Variants in LRRTM4 observed in about 807,000 individuals in gnomAD.
The protein encoded by LRRTM4 is leucine-rich repeat transmembrane neuronal protein 4.
Under a neutral mutation model 47.6 loss-of-function variants are expected in LRRTM4, and 25 were observed. The observed-to-expected ratio is 0.53, with a 90% CI of 0.38 to 0.73. The LOEUF (loss-of-function observed/expected upper bound fraction) is 0.73. Ranked by LOEUF, LRRTM4 falls within the 30% of genes least tolerant of loss-of-function variation. The pLI is 0.00. For synonymous variants in LRRTM4, 311 were observed against 269.5 expected, an observed-to-expected ratio of 1.15 and a Z score of -1.51; for missense variants, 638 against 713.4, an observed-to-expected ratio of 0.89 and a Z score of 1.20.
At chr2:77,444,931 T>TGA (rs1396304210) in intron 3 of LRRTM4, among the ~76,000 whole-genome samples, 2 of 95,318 alleles carry the variant, frequency 2.1e-5, no homozygotes, top group African/African-American at 9.0e-5. Context: ...CTCCTTTATT[T>TGA]TACACACACA....
intron 3 of LRRTM4, among the ~76,000 whole-genome samples, chr2:77,064,933 C>T (rs929060556): frequency 3.3e-5 from 5 of 152,032 alleles, no homozygotes; most frequent in African/African-American, 1.2e-4. Context: ...TGGAGCCTGC[C>T]CATTCCCATA....
intron 3 of LRRTM4, among the ~76,000 whole-genome samples, chr2:76,769,717 A>G (rs1346223874): frequency 6.6e-6 from 1 of 152,124 alleles, no homozygotes; most frequent in Non-Finnish European, 1.5e-5. Context: ...AGGACCCCCC[A>G]GATGACTCGT....
intron 3 of LRRTM4, among the ~76,000 whole-genome samples, chr2:77,288,066 A>G (rs2104118838): frequency 6.6e-6 from 1 of 152,262 alleles, no homozygotes; most frequent in Admixed American, 6.6e-5. Flanking sequence ...GAAAGGAACA[A>G]CAAAAGCAGT....
At chr2:77,500,294 TA>T (rs1185683828) in intron 3 of LRRTM4, among the ~76,000 whole-genome samples, 5 of 151,810 alleles carry the variant, frequency 3.3e-5, no homozygotes, top group Non-Finnish European at 5.9e-5. Context: ...AAGTTTGATT[TA>T]AAAAAATGTG....
intron 3 of LRRTM4, among the ~76,000 whole-genome samples, chr2:77,061,473 C>T (rs1408365539): frequency 2.0e-5 from 3 of 152,118 alleles, no homozygotes; most frequent in Admixed American, 1.3e-4. Context: ...GATACAGAAG[C>T]TTTCAAAGTG....
In LRRTM4 at chr2:76,908,444, G is replaced by T. The variant is rs1435065114; in HGVS notation, c.1552-159528C>A. Among the ~76,000 whole-genome samples, 8 of 151,124 alleles carry T rather than the reference G, an allele frequency of 5.3e-5. No homozygotes were observed. In the South Asian group the frequency reaches 1.5e-3, roughly 28 times the overall value. On this transcript the variant is annotated intron_variant, in intron 3 of 3. Coordinates refer to ENST00000409884, the MANE Select transcript of LRRTM4 (RefSeq NM_001134745.3). ...TTGAAAACTGGCACAAGACAGGGAT[G>T]CCCTCTCTCACCACTCCTATTCAAC...
At chr2:76,843,895 TTC>T (rs1388571373) in intron 3 of LRRTM4, among the ~76,000 whole-genome samples, 1 of 150,644 alleles carries the variant, frequency 6.6e-6, no homozygotes. Flanking sequence ...TAATGATAAT[TTC>T]TTTCTTTTTT....
At chr2:76,987,469 T>C (rs1361818848) in intron 3 of LRRTM4, 5 of 151,942 alleles carry the variant, frequency 3.3e-5, no homozygotes, top group African/African-American at 9.7e-5. Context: ...CTCAGAAATA[T>C]GCAATGGGGT....
At chr2:77,146,745 T>C (rs993977908) in intron 3 of LRRTM4, among the ~76,000 whole-genome samples, 1 of 152,164 alleles carries the variant, frequency 6.6e-6, no homozygotes, top group Non-Finnish European at 1.5e-5. Context: ...TTTAGGGTGA[T>C]GGTAAAAAAT....
At chr2:76,780,306 T>C (rs1051465274) in intron 3 of LRRTM4, among the ~76,000 whole-genome samples, 13 of 152,200 alleles carry the variant, frequency 8.5e-5, no homozygotes, top group Non-Finnish European at 1.5e-4. Context: ...GAACATTGGC[T>C]TGCCTTGCTA....
chr2:76,763,185 A>C (rs1573062974), intron 3 of LRRTM4, among the ~76,000 whole-genome samples: 1 of 152,190 alleles, frequency 6.6e-6, no homozygotes, highest in East Asian at 1.9e-4. Context: ...AGGAAAAAAA[A>C]CAGTGCTCTC....
At chr2:77,024,995 A>C (rs1411717282) in intron 3 of LRRTM4, among the ~76,000 whole-genome samples, 2 of 152,186 alleles carry the variant, frequency 1.3e-5, no homozygotes, top group African/African-American at 4.8e-5. Context: ...ATCTTGATCT[A>C]TATTTTTGTA....
chr2:76,830,515 C>CGTGTGTGT (rs57566911), intron 3 of LRRTM4, among the ~76,000 whole-genome samples: 10,939 of 143,992 alleles, frequency 0.076, 556 homozygotes, highest in East Asian at 0.19. Context: ...GCAGTGTGTG[C>CGTGTGTGT]GTGTGTGTGT....
At chr2:77,002,963 C>T (rs1249753453) in intron 3 of LRRTM4, among the ~76,000 whole-genome samples, 3 of 151,596 alleles carry the variant, frequency 2.0e-5, no homozygotes, top group African/African-American at 7.3e-5. Context: ...ATCATTTATG[C>T]TACACAGAGC....
chr2:76,788,732 T>G (rs2104192939), intron 3 of LRRTM4, among the ~76,000 whole-genome samples: 1 of 152,326 alleles, frequency 6.6e-6, no homozygotes, highest in Non-Finnish European at 1.5e-5. Flanking sequence ...TCTATCAATG[T>G]GATTTCAGAA....
At chr2:77,075,805 C>T (rs914644805) in intron 3 of LRRTM4, among the ~76,000 whole-genome samples, 1 of 143,574 alleles carries the variant, frequency 7.0e-6, no homozygotes, top group Non-Finnish European at 1.5e-5. Flanking sequence ...GTCCCAGCTA[C>T]TTGGGAGGCT....
At chr2:77,051,028 T>A (rs6726517) in intron 3 of LRRTM4, among the ~76,000 whole-genome samples, 57,213 of 151,366 alleles carry the variant, frequency 0.38, 13,504 homozygotes, top group African/African-American at 0.67. Context: ...TTTTTTTTTT[T>A]AAAATAGATA....
chr2:77,062,145 T>G (rs1214056474), intron 3 of LRRTM4, among the ~76,000 whole-genome samples: 1 of 152,164 alleles, frequency 6.6e-6, no homozygotes, highest in African/African-American at 2.4e-5. Flanking sequence ...ACTTTTTCTT[T>G]TTTGGGGGGT....
chr2:77,363,120 C>T (rs1339044230), intron 3 of LRRTM4, among the ~76,000 whole-genome samples: 8 of 152,132 alleles, frequency 5.3e-5, no homozygotes, highest in Non-Finnish European at 1.0e-4. Context: ...AAGTTTACTT[C>T]GTGAATCCAT....
Sources: gnomAD v4.1 joint callset for allele counts (sites outside exome capture counted in the v4.1 genomes callset) on GRCh38, gnomAD v4.1.1 for gene constraint, MANE v1.5 for transcripts, NCBI Gene and HGNC (gene_info 2026-07-23, HGNC 2026-07-21) for gene names.